Variants in TMPRSS11B observed in about 807,000 individuals in gnomAD.
TMPRSS11B encodes transmembrane protease serine 11B.
In TMPRSS11B, 53 loss-of-function variants were observed where a neutral mutation model predicts 44.7. The observed-to-expected ratio is 1.19, with a 90% CI of 0.95 to 1.49. TMPRSS11B has a LOEUF of 1.49. Among genes scored for constraint, TMPRSS11B ranks in the 40% most tolerant of loss-of-function variants. TMPRSS11B has a pLI of 0.00. For synonymous variants in TMPRSS11B, 140 were observed against 159.2 expected, an observed-to-expected ratio of 0.88 and a Z score of 0.91; for missense variants, 526 against 494.8, an observed-to-expected ratio of 1.06 and a Z score of -0.60.
At chr4:68,239,257 C>G (rs1053546941) in intron 2 of TMPRSS11B, among the ~76,000 whole-genome samples, 4 of 144,042 alleles carry the variant, frequency 2.8e-5, no homozygotes, top group Non-Finnish European at 6.0e-5. Flanking sequence ...CTTGCGCGCT[C>G]TCTCTCGCGC....
chr4:68,231,185 T>G lies in TMPRSS11B; in HGVS notation c.686+18A>C. On this transcript the variant is annotated intron_variant, in intron 7 of 9. Transcript: ENST00000332644. ...TTTGCACCTAGCATCCTTCATTTAG[T>G]CAAATTTTCAAACTTACTTAGCAAA... 1 of 1,591,166 alleles carries G rather than the reference T, an allele frequency of 6.3e-7. No individual in the cohort carries two copies. The highest frequency in any genetic ancestry group is 2.3e-5 in the East Asian group (1 of 44,370).
chr4:68,229,729 G>T, intron 7 of TMPRSS11B: 1 of 435,520 alleles, frequency 2.3e-6, no homozygotes, highest in Non-Finnish European at 4.1e-6. Flanking sequence ...TCAGCTTTCT[G>T]AAGATCTTTT....
chr4:68,243,627 G>A (rs1399402541), intron 1 of TMPRSS11B, among the ~76,000 whole-genome samples: 1 of 152,148 alleles, frequency 6.6e-6, no homozygotes, highest in East Asian at 1.9e-4. Flanking sequence ...TTTTAATACA[G>A]TATTTATAAC....
chr4:68,228,162 T>G (rs1164291215), intron 9 of TMPRSS11B, 90 bp from the exon 10 acceptor site: 1 of 1,178,718 alleles, frequency 8.5e-7, no homozygotes, highest in African/African-American at 1.6e-5. Context: ...TCCTGGGCAC[T>G]GAAACCAATT....
intron 9 of TMPRSS11B, among the ~76,000 whole-genome samples, chr4:68,228,421 T>A (rs1719414674): frequency 1.3e-5 from 2 of 152,154 alleles, no homozygotes; most frequent in Non-Finnish European, 1.5e-5. Context: ...CTGATGCATC[T>A]CTGGATAAAG....
At chr4:68,242,715 G>C (rs1375754915) in intron 1 of TMPRSS11B, among the ~76,000 whole-genome samples, 1 of 150,952 alleles carries the variant, frequency 6.6e-6, no homozygotes, top group East Asian at 2.0e-4. Flanking sequence ...GGACCACAGG[G>C]GTGCACCACC....
intron 9 of TMPRSS11B, 122 bp from the exon 10 acceptor site, chr4:68,228,194 T>G: frequency 2.2e-6 from 2 of 898,672 alleles, no homozygotes; most frequent in Non-Finnish European, 3.2e-6. Flanking sequence ...GGCTTAGAAC[T>G]CTGAAACCCT....
At chr4:68,242,357 TTATATTA>T (rs1719880634) in intron 1 of TMPRSS11B, among the ~76,000 whole-genome samples, 1 of 61,092 alleles carries the variant, frequency 1.6e-5, no homozygotes, top group African/African-American at 7.0e-5. Flanking sequence ...ATATATAATA[TTATATTA>T]TATATAATAT....
At chr4:68,229,835 C>T (rs981102518) in intron 7 of TMPRSS11B, among the ~76,000 whole-genome samples, 5 of 152,116 alleles carry the variant, frequency 3.3e-5, no homozygotes, top group Non-Finnish European at 5.9e-5. Flanking sequence ...TCCTCAATTC[C>T]GTAAGTGGAT....
intron 5 of TMPRSS11B, among the ~76,000 whole-genome samples, chr4:68,233,286 T>C (rs981261536): frequency 6.6e-6 from 1 of 152,112 alleles, no homozygotes; most frequent in Admixed American, 6.5e-5. Context: ...CTTTATTGTG[T>C]GGCAAAAGAG....
intron 7 of TMPRSS11B, among the ~76,000 whole-genome samples, chr4:68,230,115 G>A (rs951714909): frequency 6.6e-6 from 1 of 152,084 alleles, no homozygotes; most frequent in Admixed American, 6.6e-5. Context: ...TTTATGACTG[G>A]ATAGTATTCC....
At chr4:68,239,314 T>C (rs1253632697) in intron 2 of TMPRSS11B, among the ~76,000 whole-genome samples, 1 of 152,088 alleles carries the variant, frequency 6.6e-6, no homozygotes, top group Admixed American at 6.5e-5. Flanking sequence ...TCTCTCTCTT[T>C]CTCACTCACT....
chr4:68,233,357 G>A (rs1248571091), intron 5 of TMPRSS11B, among the ~76,000 whole-genome samples: 1 of 152,166 alleles, frequency 6.6e-6, no homozygotes, highest in Admixed American at 6.5e-5. Flanking sequence ...TTAATTGTCT[G>A]GCTGGAAGAA....
Position 68,231,352 on chromosome 4 carries a change from G to T in TMPRSS11B, c.537C>A (p.Ile179=), listed in dbSNP as rs1719510307. ...NCCGRQVANS[I]ITGNKIVNGK... Reference sequence around the variant, plus strand: ...CATTCACAATTTTGTTGCCAGTTATGATACTGTTGGCTACTTGTCTCCCAC... The same window carrying T: ...CATTCACAATTTTGTTGCCAGTTATTATACTGTTGGCTACTTGTCTCCCAC... The change falls in exon 7 of 10, where the codon ATC becomes ATA. Residue 179 remains isoleucine (I), a synonymous_variant. Coordinates refer to ENST00000332644, the MANE Select transcript of TMPRSS11B (RefSeq NM_182502.3). The T allele has an allele frequency of 8.1e-6, 13 of 1,613,544 alleles. No individual in the cohort carries two copies. The highest frequency in any genetic ancestry group is 1.3e-5 in the African/African-American group (1 of 74,908).
In TMPRSS11B at chr4:68,229,290, C is replaced by T. The variant is rs368154486; in HGVS notation, c.913G>A (p.Val305Ile). 2.8e-5 allele frequency: 45 copies of T among 1,612,332 alleles called. 1 individual carries two copies. In the African/African-American group the frequency reaches 3.5e-4, roughly 12 times the overall value. Reference protein sequence around the residue: ...KMKLSENDNVVVTGWGTLYMN... With the variant: ...KMKLSENDNVIVTGWGTLYMN... ...TAAAGTGTTCCCCAACCTGTAACTA[C>T]AACATTGTCATTTTCTGAGAGCTTC... Residue 305 changes from valine (V) to isoleucine (I), a missense_variant, in exon 8 of 10, where the codon GTA (valine) becomes ATA (isoleucine). Coordinates refer to ENST00000332644, the MANE Select transcript of TMPRSS11B (RefSeq NM_182502.3).
At chr4:68,229,933 C>T (rs1056289238) in intron 7 of TMPRSS11B, among the ~76,000 whole-genome samples, 3 of 152,122 alleles carry the variant, frequency 2.0e-5, no homozygotes, top group Non-Finnish European at 4.4e-5. Context: ...CTCAAGTAGG[C>T]CCTAATGTCT....
At chr4:68,245,401 T>G (rs1719971926) in intron 1 of TMPRSS11B, 150 bp downstream of exon 1, 14 of 856,756 alleles carry the variant, frequency 1.6e-5, no homozygotes, top group Non-Finnish European at 1.9e-6. Context: ...TCAAAGGGTC[T>G]GTAGACCTCA....
chr4:68,227,373 T>A lies in TMPRSS11B; in HGVS notation c.*538A>T, dbSNP rs1305667959. ...ATCACAACTCAGCTATTAAGAAAAA[T>A]TATATATTAGCCTTCTTTATTTTCT... On this transcript the variant is annotated 3_prime_UTR_variant, in exon 10 of 10. Transcript: ENST00000332644. 4 of 151,192 alleles carry A rather than the reference T, an allele frequency of 2.6e-5. No individual in the cohort carries two copies. Among genetic ancestry groups the A allele is most frequent in the African/African-American group, 4.9e-5 (2 of 41,154 alleles). The allele number at this position is 151,192 out of a possible 1,614,324, so 9.4% of individuals were successfully genotyped here.
chr4:68,235,885 C>T, intron 4 of TMPRSS11B, 117 bp downstream of exon 4: 7 of 519,200 alleles, frequency 1.3e-5, no homozygotes, highest in Non-Finnish European at 1.6e-5. Context: ...TCTTTCCTTT[C>T]CTTTGTTTCT....
Sources: gnomAD v4.1 joint callset for allele counts (sites outside exome capture counted in the v4.1 genomes callset) on GRCh38, gnomAD v4.1.1 for gene constraint, MANE v1.5 for transcripts, NCBI Gene and HGNC (gene_info 2026-07-23, HGNC 2026-07-21) for gene names.